Variants in NCBP3 observed in about 807,000 individuals in gnomAD.
NCBP3 encodes the protein nuclear cap-binding protein subunit 3.
In NCBP3, 20 loss-of-function variants were observed where a neutral mutation model predicts 75.7. That is an observed-to-expected ratio of 0.26 (90% CI 0.19 to 0.38). NCBP3 has a LOEUF of 0.38. Ranked by LOEUF, NCBP3 falls within the 10% of genes least tolerant of loss-of-function variation. The pLI is 1.00. For missense variants in NCBP3, 678 were observed against 796.9 expected, an observed-to-expected ratio of 0.85 and a Z score of 1.80; for synonymous variants, 293 against 290.5, an observed-to-expected ratio of 1.01 and a Z score of -0.09.
At chr17:3,827,922 T>A (rs978692817) in intron 4 of NCBP3, among the ~76,000 whole-genome samples, 25 of 152,162 alleles carry the variant, frequency 1.6e-4, no homozygotes, top group African/African-American at 5.6e-4. Flanking sequence ...TTGTTTTTGT[T>A]TTTTCTTTCT....
In NCBP3 at chr17:3,815,163, G is replaced by C. The variant is rs16953497; in HGVS notation, c.1466-680C>G. Among the ~76,000 whole-genome samples, 522 of 152,154 alleles carry C rather than the reference G, an allele frequency of 3.4e-3. 3 individuals carry two copies. The highest frequency in any genetic ancestry group is 0.012 in the African/African-American group (497 of 41,512). ...GTTCTTTATCCATTCTGTCTCCACC[G>C]ACCTAGTTCAGGCTCTTGTTACTTT... On this transcript the variant is annotated intron_variant, in intron 11 of 12. Transcript: ENST00000389005.
intron 3 of NCBP3, among the ~76,000 whole-genome samples, chr17:3,833,476 C>T (rs2053919896): frequency 6.6e-6 from 1 of 151,936 alleles, no homozygotes; most frequent in Non-Finnish European, 1.5e-5. Flanking sequence ...TTATCCATTG[C>T]CCAAGTTTTG....
At chr17:3,819,952 GTATTAT>G (rs945074545) in intron 9 of NCBP3, among the ~76,000 whole-genome samples, 5 of 151,982 alleles carry the variant, frequency 3.3e-5, no homozygotes, top group African/African-American at 4.8e-5. Context: ...TAAAGTATGT[GTATTAT>G]TATTATTATT....
In NCBP3 at chr17:3,818,148, A is replaced by G; in HGVS notation, c.1310+115T>C. 2 of 898,660 alleles carry G rather than the reference A, an allele frequency of 2.2e-6. No individual in the cohort carries two copies. The highest frequency in any genetic ancestry group is 1.6e-6 in the Non-Finnish European group (1 of 619,114). The allele number at this position is 898,660 out of a possible 1,614,324, so 55.7% of individuals were successfully genotyped here. A position where few individuals can be genotyped will look rare whatever the true frequency, so the allele number is the denominator to read the frequency against. ...TACTGGATGCGTTTATTAAACTCCT[A>G]CAAGGGACTGAAATCAGAATAGATA... On this transcript the variant is annotated intron_variant, in intron 10 of 12. Coordinates refer to ENST00000389005, the MANE Select transcript of NCBP3 (RefSeq NM_001114118.3). This position sits in a 1 kb window ranked among gnomAD's most constrained non-coding sequence, Gnocchi z 4.7.
At chr17:3,842,296 G>A (rs557267774) in intron 2 of NCBP3, among the ~76,000 whole-genome samples, 1 of 152,106 alleles carries the variant, frequency 6.6e-6, no homozygotes, top group Non-Finnish European at 1.5e-5. Context: ...GTGGTGGCGG[G>A]CGCCTGTAGT....
intron 9 of NCBP3, 131 bp downstream of exon 9, chr17:3,821,118 T>C: frequency 1.8e-6 from 1 of 561,120 alleles, no homozygotes; most frequent in Admixed American, 3.2e-5. Flanking sequence ...TACTTTCCTA[T>C]ATGTTGGCAG....
chr17:3,805,683 A>G lies in NCBP3; in HGVS notation c.*7361T>C, dbSNP rs547495581. The stretch of plus-strand genomic sequence containing the variant: ...CACTGGGTGCTGGGACCAAGGGTCC[A>G]GGGGCTTGGATCTCTTGTTTACAAA... On this transcript the variant is annotated 3_prime_UTR_variant, in exon 13 of 13. Coordinates refer to ENST00000389005, the MANE Select transcript of NCBP3 (RefSeq NM_001114118.3). 3.3e-3 allele frequency: 504 copies of G among 152,450 alleles called. 3 individuals are homozygous for G. The highest frequency in any genetic ancestry group is 0.012 in the African/African-American group (480 of 41,566). The allele number at this position is 152,450 out of a possible 1,614,324, so 9.4% of individuals were successfully genotyped here. A position where few individuals can be genotyped will look rare whatever the true frequency, so the allele number is the denominator to read the frequency against.
In NCBP3 at chr17:3,803,110, G is replaced by C. The variant is rs1379613409; in HGVS notation, c.*9934C>G. On this transcript the variant is annotated 3_prime_UTR_variant, in exon 13 of 13. Transcript: ENST00000389005. The stretch of plus-strand genomic sequence containing the variant: ...TGAGTAATGCTCCCCATCACAGCAC[G>C]CAGCACAAGGCTGGCTGTTTGACAA... 1 of 152,192 alleles carries C rather than the reference G, an allele frequency of 6.6e-6. No homozygotes were observed. The highest frequency in any genetic ancestry group is 1.5e-5 in the Non-Finnish European group (1 of 68,040). 9.4% of individuals were successfully genotyped at this position (152,192 alleles called of 1,614,324 possible). A position where few individuals can be genotyped will look rare whatever the true frequency, so the allele number is the denominator to read the frequency against.
intron 4 of NCBP3, among the ~76,000 whole-genome samples, chr17:3,827,332 T>C (rs950960671): frequency 3.3e-5 from 5 of 152,342 alleles, no homozygotes; most frequent in African/African-American, 1.2e-4. Context: ...GATTGTCCTT[T>C]ACACTACCGC....
intron 11 of NCBP3, among the ~76,000 whole-genome samples, chr17:3,815,718 C>T (rs1030294177): frequency 6.6e-6 from 1 of 151,826 alleles, no homozygotes; most frequent in East Asian, 1.9e-4. Flanking sequence ...GAATTTATAC[C>T]GTATTAGGTA....
intron 3 of NCBP3, among the ~76,000 whole-genome samples, 153 bp downstream of exon 3, chr17:3,839,947 G>A (rs1567595661): frequency 2.0e-5 from 3 of 152,156 alleles, no homozygotes; most frequent in Non-Finnish European, 2.9e-5. Context: ...TTAAACAGGT[G>A]ACCTCAGAAA....
intron 3 of NCBP3, among the ~76,000 whole-genome samples, chr17:3,837,907 A>G (rs1266613285): frequency 1.3e-5 from 2 of 152,060 alleles, no homozygotes; most frequent in Non-Finnish European, 2.9e-5. Flanking sequence ...AAGCTTCCCC[A>G]GCTGACATCC....
intron 2 of NCBP3, among the ~76,000 whole-genome samples, chr17:3,842,864 C>T (rs1007774057): frequency 1.3e-5 from 2 of 151,922 alleles, no homozygotes; most frequent in African/African-American, 4.8e-5. Context: ...AGGCTGGTCT[C>T]GAACTCCTGG....
chr17:3,821,843 C>T (rs959814394), intron 8 of NCBP3, 110 bp downstream of exon 8: 10 of 699,192 alleles, frequency 1.4e-5, no homozygotes, highest in Non-Finnish European at 2.2e-5. Flanking sequence ...GAATTCTTCC[C>T]TCTTGTTTTC....
Position 3,846,245 on chromosome 17 carries a change from C to T in NCBP3, c.-22G>A, listed in dbSNP as rs1048980189. The T allele has an allele frequency of 2.2e-5, 31 of 1,405,620 alleles. No individual in the cohort carries two copies. The highest frequency in any genetic ancestry group is 2.8e-5 in the Non-Finnish European group (30 of 1,088,932). 87.1% of individuals were successfully genotyped at this position (1,405,620 alleles called of 1,614,324 possible). On this transcript the variant is annotated 5_prime_UTR_variant, in exon 1 of 13. It adds an upstream start codon to the 5' untranslated region. Transcript: ENST00000389005. The surrounding 1 kb of genome is among the most constrained non-coding windows in gnomAD (Gnocchi z 4.6). ...CCATCGCTGCCTGCCGGCCGCACCA[C>T]TGAGAGCCCGCCCCTCACGGCCGCC...
intron 11 of NCBP3, 68 bp downstream of exon 11, chr17:3,816,048 C>A: frequency 6.7e-7 from 1 of 1,489,274 alleles, no homozygotes. Context: ...TACTCAGGAA[C>A]CTCTCTCTGC....
At chr17:3,820,718 G>A (rs2053645515) in intron 9 of NCBP3, among the ~76,000 whole-genome samples, 1 of 152,188 alleles carries the variant, frequency 6.6e-6, no homozygotes, top group Admixed American at 6.5e-5. Flanking sequence ...GGAACACAAG[G>A]TCAGGAGTTC....
intron 2 of NCBP3, among the ~76,000 whole-genome samples, chr17:3,840,973 C>T (rs2054053075): frequency 6.6e-6 from 1 of 152,054 alleles, no homozygotes; most frequent in Non-Finnish European, 1.5e-5. Context: ...CTTAGGAACC[C>T]TTCACTAATT....
Position 3,821,241 on chromosome 17 carries a change from G to T in NCBP3, c.1000+8C>A, listed in dbSNP as rs1353467829. On this transcript the variant is annotated splice_region_variant and intron_variant, in intron 9 of 12. Coordinates refer to ENST00000389005, the MANE Select transcript of NCBP3 (RefSeq NM_001114118.3). ...ATGTGTCTACCCAAGAGCTGAGCAG[G>T]CAACTACCAGAATGTCGATGTTTAT... 1 of 1,599,362 alleles carries T rather than the reference G, an allele frequency of 6.3e-7. No homozygotes were observed. The highest frequency in any genetic ancestry group is 8.6e-7 in the Non-Finnish European group (1 of 1,166,774).
Sources: gnomAD v4.1 joint callset for allele counts (sites outside exome capture counted in the v4.1 genomes callset) on GRCh38, gnomAD v4.1.1 for gene constraint, Gnocchi (gnomAD v3.1) non-coding constraint, MANE v1.5 for transcripts, NCBI Gene and HGNC (gene_info 2026-07-23, HGNC 2026-07-21) for gene names.